SNAP25: variants seen among roughly 807,000 people sequenced by gnomAD.
SNAP25 encodes synaptosome associated protein 25, also known as synaptosomal-associated protein 25.
SNAP25 carries 3 observed loss-of-function variants against 28.7 expected under a neutral mutation model. That is an observed-to-expected ratio of 0.10 (90% confidence interval 0.05 to 0.27). SNAP25 has a LOEUF of 0.27. Among genes scored for constraint, SNAP25 ranks in the 10% least tolerant of loss-of-function variants. SNAP25 has a pLI of 1.00. For missense variants in SNAP25, 117 were observed against 278.7 expected (o/e 0.42, Z 4.13); for synonymous variants, 61 against 88.1 (o/e 0.69, Z 1.72).
At chr20:10,266,300 T>C (rs1244395348) in intron 1 of SNAP25, among the ~76,000 whole-genome samples, 1 of 152,224 alleles carries the variant, frequency 6.6e-6, no homozygotes, top group Non-Finnish European at 1.5e-5. Flanking sequence ...GCTTTGCATC[T>C]TACGGTTGCA....
intron 4 of SNAP25, among the ~76,000 whole-genome samples, chr20:10,286,968 A>G (rs1374723331): frequency 1.3e-5 from 2 of 152,184 alleles, no homozygotes; most frequent in Non-Finnish European, 2.9e-5. Flanking sequence ...CTGAGGATGC[A>G]GCAAGTCATT....
intron 4 of SNAP25, among the ~76,000 whole-genome samples, chr20:10,289,616 T>C (rs1260977835): frequency 6.6e-6 from 1 of 151,216 alleles, no homozygotes; most frequent in Non-Finnish European, 1.5e-5. Context: ...CATAGGGCTA[T>C]TTAAATTTAA....
intron 2 of SNAP25, among the ~76,000 whole-genome samples, chr20:10,277,210 C>T (rs1005707291): frequency 6.6e-6 from 1 of 152,152 alleles, no homozygotes; most frequent in Non-Finnish European, 1.5e-5. Context: ...AAGGCAACAA[C>T]TTAATTTGTA....
chr20:10,238,492 C>T (rs1040230826), intron 1 of SNAP25, among the ~76,000 whole-genome samples: 1 of 152,114 alleles, frequency 6.6e-6, no homozygotes, highest in Non-Finnish European at 1.5e-5. Flanking sequence ...CAGTAATAAA[C>T]AAAACTGTAG....
At chr20:10,299,162 TA>T in intron 6 of SNAP25, 105 bp from the exon 7 acceptor site, 1 of 1,267,730 alleles carries the variant, frequency 7.9e-7, no homozygotes, top group Non-Finnish European at 1.1e-6. Flanking sequence ...TAAAGATAGA[TA>T]AAGTTGATGC....
Position 10,264,234 on chromosome 20 carries a change from C to T in SNAP25, c.-63-11195C>T, listed in dbSNP as rs1030726803. Among the ~76,000 whole-genome samples the T allele has an allele frequency of 3.3e-5, 5 of 152,028 alleles. No homozygotes were observed. In the East Asian group the frequency reaches 9.7e-4, roughly 29 times the overall value. On this transcript the variant is annotated intron_variant, in intron 1 of 7. Transcript: ENST00000254976. The stretch of plus-strand genomic sequence containing the variant: ...ATGCTGTCACTAATCCTGGACTAGC[C>T]CAGGGAAGGGGCATATCAGGGAAGC...
intron 3 of SNAP25, among the ~76,000 whole-genome samples, chr20:10,282,183 G>A (rs556810491): frequency 7.3e-6 from 1 of 137,370 alleles, no homozygotes; most frequent in South Asian, 2.5e-4. Context: ...AAGGAAGGAA[G>A]GAAGGAAGGA....
intron 1 of SNAP25, among the ~76,000 whole-genome samples, chr20:10,223,304 G>A (rs890399279): frequency 6.6e-6 from 1 of 152,156 alleles, no homozygotes; most frequent in African/African-American, 2.4e-5. Context: ...TCACAGAAGA[G>A]CTTCAAAAAT....
chr20:10,292,744 G>T (rs1568623654), intron 4 of SNAP25: 1 of 631,758 alleles, frequency 1.6e-6, no homozygotes, highest in East Asian at 2.7e-5. Context: ...AGCGGTAGCA[G>T]TCTTCAACAA....
chr20:10,269,278 C>T (rs1284439972), intron 1 of SNAP25, among the ~76,000 whole-genome samples: 1 of 152,114 alleles, frequency 6.6e-6, no homozygotes. Flanking sequence ...ACATGGTGTG[C>T]ATGCCTGTAC....
At chr20:10,295,216 C>T (rs567303410) in intron 5 of SNAP25, among the ~76,000 whole-genome samples, 13 of 152,340 alleles carry the variant, frequency 8.5e-5, no homozygotes, top group East Asian at 1.9e-4. Flanking sequence ...GGTAGATGTA[C>T]GGCAGTGATG....
In SNAP25 at chr20:10,238,505, T is replaced by G. The variant is rs186883026; in HGVS notation, c.-64+19528T>G. Reference sequence around the variant, plus strand: ...CACAGTAATAAACAAAACTGTAGCTTCCAGGTGGCAAAAAATATAAGGGGA... The same window carrying G: ...CACAGTAATAAACAAAACTGTAGCTGCCAGGTGGCAAAAAATATAAGGGGA... On this transcript the variant is annotated intron_variant, in intron 1 of 7. Coordinates refer to ENST00000254976, the MANE Select transcript of SNAP25 (RefSeq NM_130811.4). Among the ~76,000 whole-genome samples the G allele has an allele frequency of 4.6e-5, 7 of 152,204 alleles. No homozygotes were observed. The East Asian group carries it at 1.4e-3, about 29-fold the overall frequency.
At chr20:10,274,001 C>G (rs1330825229) in intron 1 of SNAP25, among the ~76,000 whole-genome samples, 1 of 152,104 alleles carries the variant, frequency 6.6e-6, no homozygotes, top group Non-Finnish European at 1.5e-5. Flanking sequence ...CCTGAATCAT[C>G]TAATTCCCTC....
intron 1 of SNAP25, among the ~76,000 whole-genome samples, chr20:10,223,380 C>T (rs942517750): frequency 8.5e-5 from 13 of 152,138 alleles, no homozygotes; most frequent in Admixed American, 2.6e-4. Context: ...GAAATGGCAA[C>T]GGTAGATACA....
intron 1 of SNAP25, among the ~76,000 whole-genome samples, chr20:10,222,723 G>A (rs1042513756): frequency 6.6e-6 from 1 of 152,060 alleles, no homozygotes; most frequent in African/African-American, 2.4e-5. Flanking sequence ...AGAAGTAGAG[G>A]GGAGCAAATT....
chr20:10,289,002 G>A (rs568107573), intron 4 of SNAP25, among the ~76,000 whole-genome samples: 3 of 152,104 alleles, frequency 2.0e-5, no homozygotes, highest in South Asian at 2.1e-4. Flanking sequence ...TTGTTTATGC[G>A]TGAGCACCAA....
At position 10,275,893 on chromosome 20, in the gene SNAP25, C is replaced by T. The variant is rs1242469903; in HGVS notation, c.72+330C>T. Reference sequence around the variant, plus strand: ...CTCAGTTCCGAGAACAGATTGTTAACATTTTCAGGAACTTTGCAAGCTGGT... The same window carrying T: ...CTCAGTTCCGAGAACAGATTGTTAATATTTTCAGGAACTTTGCAAGCTGGT... On this transcript the variant is annotated intron_variant, in intron 2 of 7. Transcript: ENST00000254976. 3.3e-5 allele frequency among the ~76,000 whole-genome samples: 5 copies of T among 152,154 alleles called. No individual in the cohort carries two copies. In the East Asian group the frequency reaches 9.6e-4, roughly 29 times the overall value.
chr20:10,264,619 G>A (rs2063475372), intron 1 of SNAP25, among the ~76,000 whole-genome samples: 1 of 152,180 alleles, frequency 6.6e-6, no homozygotes, highest in Non-Finnish European at 1.5e-5. Context: ...CCTCAATGCT[G>A]GGGAGCCGCG....
At chr20:10,305,926 A>G (rs2064346391) in intron 7 of SNAP25, among the ~76,000 whole-genome samples, 1 of 152,142 alleles carries the variant, frequency 6.6e-6, no homozygotes, top group Non-Finnish European at 1.5e-5. Flanking sequence ...CATTAAAAAA[A>G]AAAAATGAAA....
Sources: allele counts gnomAD v4.1 joint callset (sites outside exome capture counted in the v4.1 genomes callset), GRCh38; gene constraint gnomAD v4.1.1; transcripts MANE v1.5; gene names NCBI Gene and HGNC (gene_info 2026-07-23, HGNC 2026-07-21).